Variants in KCNG3 observed in about 807,000 individuals in gnomAD.
The protein encoded by KCNG3 is potassium voltage-gated channel modifier subfamily G member 3, also known as voltage-gated potassium channel regulatory subunit KCNG3.
In KCNG3, 15 loss-of-function variants were observed where a neutral mutation model predicts 29.0. The observed-to-expected ratio is 0.52, with a 90% CI of 0.35 to 0.80. KCNG3 has a LOEUF of 0.80. KCNG3 is among the 30% of genes least tolerant of loss of function. The probability of loss-of-function intolerance (pLI) is 0.01; values close to 1 mark genes in which losing one functional copy is unlikely to be tolerated. For synonymous variants in KCNG3, 322 were observed against 248.9 expected, an observed-to-expected ratio of 1.29 and a Z score of -2.76; for missense variants, 512 against 605.7, an observed-to-expected ratio of 0.85 and a Z score of 1.62.
the KCNG3 span, among the ~76,000 whole-genome samples, chr2:42,401,725 A>G: frequency 6.6e-6 from 1 of 152,132 alleles, no homozygotes; most frequent in African/African-American, 2.4e-5. Flanking sequence ...GACGTGAGCC[A>G]CTATGCCCAG....
At chr2:42,399,056 C>CTTTTTTTTTTTT in the KCNG3 span, among the ~76,000 whole-genome samples, 2 of 107,630 alleles carry the variant, frequency 1.9e-5, no homozygotes, top group East Asian at 2.8e-4. Context: ...TTTTTCTTTT[C>CTTTTTTTTTTTT]TTTTTTTTTT....
At chr2:42,437,986 A>G (rs984436908), downstream of KCNG3, among the ~76,000 whole-genome samples, 7 of 152,096 alleles carry the variant, frequency 4.6e-5, no homozygotes, top group Non-Finnish European at 7.4e-5. Context: ...ACAATCACAT[A>G]ATAAACGTTC....
At chr2:42,393,826 G>C in the KCNG3 span, among the ~76,000 whole-genome samples, 1 of 151,710 alleles carries the variant, frequency 6.6e-6, no homozygotes, top group Non-Finnish European at 1.5e-5. Flanking sequence ...TGTCGCCCAG[G>C]CTGGAGTGCA....
the KCNG3 span, among the ~76,000 whole-genome samples, chr2:42,399,992 C>T: frequency 1.3e-5 from 2 of 152,102 alleles, no homozygotes; most frequent in African/African-American, 4.8e-5. Context: ...GTCTGTGGTC[C>T]CAGCTATTCA....
At chr2:42,393,672 T>C in the KCNG3 span, among the ~76,000 whole-genome samples, 1 of 152,136 alleles carries the variant, frequency 6.6e-6, no homozygotes, top group African/African-American at 2.4e-5. Flanking sequence ...CAAGATTACC[T>C]CATAACACAA....
chr2:42,409,026 C>A, the KCNG3 span, among the ~76,000 whole-genome samples: 1 of 152,076 alleles, frequency 6.6e-6, no homozygotes, highest in African/African-American at 2.4e-5. Context: ...TGTGCTGGCA[C>A]CTGGAGCTGC....
chr2:42,406,253 C>G, the KCNG3 span, among the ~76,000 whole-genome samples: 1 of 151,332 alleles, frequency 6.6e-6, no homozygotes, highest in Admixed American at 6.6e-5. Context: ...GAGTTTCACT[C>G]TTGTTGCCCA....
At chr2:42,457,670 A>ACACACACAC (rs1572847566) in intron 1 of KCNG3, among the ~76,000 whole-genome samples, 11 of 32,432 alleles carry the variant, frequency 3.4e-4, no homozygotes, top group Non-Finnish European at 5.8e-4. Flanking sequence ...CACACACACA[A>ACACACACAC]GGCTGGGCGC....
At chr2:42,427,011 C>T in the KCNG3 span, among the ~76,000 whole-genome samples, 1 of 152,116 alleles carries the variant, frequency 6.6e-6, no homozygotes, top group African/African-American at 2.4e-5. Flanking sequence ...ATATTTTACC[C>T]ATAACTAGAG....
chr2:42,394,094 A>C, the KCNG3 span, among the ~76,000 whole-genome samples: 1 of 152,090 alleles, frequency 6.6e-6, no homozygotes, highest in Admixed American at 6.6e-5. Flanking sequence ...AACTCCCTTT[A>C]ATTAGTCTTC....
chr2:42,434,505 G>GA, the KCNG3 span, among the ~76,000 whole-genome samples: 1 of 120,236 alleles, frequency 8.3e-6, no homozygotes, highest in African/African-American at 3.1e-5. Context: ...GAGGGAAAGA[G>GA]AAAAAAATAA....
At chr2:42,404,727 CA>C in the KCNG3 span, among the ~76,000 whole-genome samples, 1 of 152,094 alleles carries the variant, frequency 6.6e-6, no homozygotes, top group African/African-American at 2.4e-5. Flanking sequence ...GACCCCATCT[CA>C]CCAAAAAAAC....
chr2:42,482,654 G>A (rs189564181), intron 1 of KCNG3, among the ~76,000 whole-genome samples: 142 of 152,244 alleles, frequency 9.3e-4, no homozygotes, highest in African/African-American at 3.1e-3. Context: ...GCTTGAACCC[G>A]GGAGGCTGAG....
chr2:42,460,904 G>T (rs907049362), intron 1 of KCNG3, among the ~76,000 whole-genome samples: 5 of 152,094 alleles, frequency 3.3e-5, no homozygotes, highest in Non-Finnish European at 7.4e-5. Flanking sequence ...GCTCATATCT[G>T]TAATCCCAGC....
At chr2:42,408,051 C>T in the KCNG3 span, among the ~76,000 whole-genome samples, 1 of 152,254 alleles carries the variant, frequency 6.6e-6, no homozygotes, top group Non-Finnish European at 1.5e-5. Context: ...TGTGCACAGG[C>T]TCAGGGCAGT....
chr2:42,403,104 T>A, the KCNG3 span, among the ~76,000 whole-genome samples: 2 of 152,216 alleles, frequency 1.3e-5, no homozygotes, highest in African/African-American at 2.4e-5. Flanking sequence ...GTATTTTCTT[T>A]GTCTTGTTAA....
chr2:42,469,014 A>G (rs1359821975), intron 1 of KCNG3, among the ~76,000 whole-genome samples: 1 of 152,022 alleles, frequency 6.6e-6, no homozygotes, highest in African/African-American at 2.4e-5. Flanking sequence ...ATTTAATGCA[A>G]AAAATTTTAG....
the KCNG3 span, among the ~76,000 whole-genome samples, chr2:42,411,563 AC>A: frequency 6.7e-6 from 1 of 149,780 alleles, no homozygotes; most frequent in Non-Finnish European, 1.5e-5. Context: ...GCTCATTGCA[AC>A]CTCCACCTCT....
At chr2:42,462,331 A>G (rs1673039717) in intron 1 of KCNG3, among the ~76,000 whole-genome samples, 2 of 152,188 alleles carry the variant, frequency 1.3e-5, no homozygotes, top group African/African-American at 4.8e-5. Flanking sequence ...AGCAGCTATC[A>G]CACCCTGCAG....
Sources: gnomAD v4.1 joint callset for allele counts (sites outside exome capture counted in the v4.1 genomes callset) on GRCh38, gnomAD v4.1.1 for gene constraint, MANE v1.5 for transcripts, NCBI Gene and HGNC (gene_info 2026-07-23, HGNC 2026-07-21) for gene names.